Variants in NEK11 observed in about 807,000 individuals in gnomAD.
The protein encoded by NEK11 is serine/threonine-protein kinase Nek11.
NEK11 carries 72 observed loss-of-function variants against 80.7 expected under a neutral mutation model. The ratio of observed to expected loss-of-function variants is 0.89; its 90% confidence interval spans 0.74 to 1.08. The LOEUF (loss-of-function observed/expected upper bound fraction) is 1.08. Ranked by LOEUF, NEK11 falls within the 50% of genes least tolerant of loss-of-function variation. The probability of loss-of-function intolerance (pLI) is 0.00; values close to 1 mark genes in which losing one functional copy is unlikely to be tolerated. For synonymous variants in NEK11, 251 were observed against 260.7 expected, an observed-to-expected ratio of 0.96 and a Z score of 0.36; for missense variants, 764 against 763.6, an observed-to-expected ratio of 1.00 and a Z score of -0.01.
At chr3:131,054,220 A>G (rs758474187) in intron 3 of NEK11, among the ~76,000 whole-genome samples, 4 of 152,176 alleles carry the variant, frequency 2.6e-5, no homozygotes, top group Non-Finnish European at 5.9e-5. Context: ...GTGTGGTCCC[A>G]GCTACTCTGG....
At chr3:131,234,406 A>G (rs1334357968) in intron 15 of NEK11, among the ~76,000 whole-genome samples, 1 of 152,228 alleles carries the variant, frequency 6.6e-6, no homozygotes, top group Non-Finnish European at 1.5e-5. Flanking sequence ...AATCGACCTT[A>G]GAGGTCATCA....
intron 3 of NEK11, among the ~76,000 whole-genome samples, chr3:131,043,173 G>C (rs548088923): frequency 8.5e-5 from 13 of 152,278 alleles, no homozygotes; most frequent in African/African-American, 3.1e-4. Flanking sequence ...AGCGCAAAAA[G>C]GCTGAAAATT....
intron 14 of NEK11, among the ~76,000 whole-genome samples, chr3:131,208,999 A>T (rs369078196): frequency 6.6e-6 from 1 of 152,144 alleles, no homozygotes; most frequent in South Asian, 2.1e-4. Context: ...TTCCAACACT[A>T]TGTTGAATAG....
Position 131,228,533 on chromosome 3 carries a change from C to G in NEK11, c.1405C>G (p.Pro469Ala). 1 of 1,603,280 alleles carries G rather than the reference C, an allele frequency of 6.2e-7. No individual in the cohort carries two copies. The highest frequency in any genetic ancestry group is 8.5e-7 in the Non-Finnish European group (1 of 1,174,608). ...CTGTTTGTTCATTATTTCAGAGATC[C>G]CAGAAGACCCACTTGTGGCTGAAGA... Reference protein sequence around the residue: ...ATSDLGYHEIPEDPLVAEEYY... With the variant: ...ATSDLGYHEIAEDPLVAEEYY... The change falls in exon 15 of 18, where the codon CCA becomes GCA. Residue 469 changes from proline (P) to alanine (A), a missense_variant. Coordinates refer to ENST00000383366, the MANE Select transcript of NEK11 (RefSeq NM_024800.5).
intron 14 of NEK11, among the ~76,000 whole-genome samples, chr3:131,174,090 A>G (rs1196609300): frequency 6.6e-6 from 1 of 152,204 alleles, no homozygotes. Flanking sequence ...ATAAACTTAG[A>G]ACTATGAAAA....
intron 17 of NEK11, among the ~76,000 whole-genome samples, chr3:131,288,823 C>T (rs1448481094): frequency 6.6e-6 from 1 of 152,146 alleles, no homozygotes; most frequent in Non-Finnish European, 1.5e-5. Flanking sequence ...TTCCTCTACC[C>T]TGATTTCAAC....
Position 131,273,590 on chromosome 3 carries a change from C to T in NEK11, c.1718+16C>T, listed in dbSNP as rs1200407586. 3 of 1,588,616 alleles carry T rather than the reference C, an allele frequency of 1.9e-6. No homozygotes were observed. Among genetic ancestry groups the T allele is most frequent in the Admixed American group, 1.7e-5 (1 of 59,910 alleles). On this transcript the variant is annotated intron_variant, in intron 17 of 17. Transcript: ENST00000383366. ...GCATGAGGGAGTAAGTAGCATGTTGCCTGCCCCCTAGGAAGGTGCAGTGTT... is the reference window on the plus strand; with the variant it reads ...GCATGAGGGAGTAAGTAGCATGTTGTCTGCCCCCTAGGAAGGTGCAGTGTT...
chr3:131,198,341 G>C (rs1488636090), intron 14 of NEK11, among the ~76,000 whole-genome samples: 1 of 152,174 alleles, frequency 6.6e-6, no homozygotes, highest in Admixed American at 6.5e-5. Context: ...GCAATTACTT[G>C]TTGACAGTTA....
intron 17 of NEK11, among the ~76,000 whole-genome samples, chr3:131,289,356 A>G (rs1174771624): frequency 6.6e-6 from 1 of 152,188 alleles, no homozygotes; most frequent in Non-Finnish European, 1.5e-5. Context: ...AAATATTCAG[A>G]GGTAATGGGA....
chr3:131,331,634 G>A (rs919538585), intron 17 of NEK11, among the ~76,000 whole-genome samples: 2 of 152,232 alleles, frequency 1.3e-5, no homozygotes, highest in South Asian at 2.1e-4. Context: ...AGCGCACCGT[G>A]CGTGAGCCGA....
chr3:131,205,906 T>A (rs2094429538), intron 14 of NEK11, among the ~76,000 whole-genome samples: 1 of 152,208 alleles, frequency 6.6e-6, no homozygotes, highest in East Asian at 1.9e-4. Flanking sequence ...TCTTATCAGT[T>A]TTTCCTGAAT....
chr3:131,060,506 G>C (rs962943313), intron 3 of NEK11, among the ~76,000 whole-genome samples: 3 of 152,138 alleles, frequency 2.0e-5, no homozygotes, highest in South Asian at 2.1e-4. Flanking sequence ...ACTTTCCCAA[G>C]TTTTCCTGAT....
At chr3:131,037,053 A>G (rs2065756064) in intron 3 of NEK11, among the ~76,000 whole-genome samples, 1 of 152,182 alleles carries the variant, frequency 6.6e-6, no homozygotes, top group African/African-American at 2.4e-5. Context: ...TTGGATATCT[A>G]GATTCTAGTG....
chr3:131,188,916 G>T (rs2093692167), intron 14 of NEK11, among the ~76,000 whole-genome samples: 1 of 152,134 alleles, frequency 6.6e-6, no homozygotes, highest in Non-Finnish European at 1.5e-5. Flanking sequence ...AAAGATCTTT[G>T]CAGATAAAAT....
chr3:131,113,596 C>T (rs970236101), intron 5 of NEK11, among the ~76,000 whole-genome samples: 4 of 152,018 alleles, frequency 2.6e-5, no homozygotes, highest in Non-Finnish European at 5.9e-5. Flanking sequence ...TTCCTGCATT[C>T]TTTCCTGAAT....
chr3:131,108,311 A>G (rs1490037498), intron 4 of NEK11, among the ~76,000 whole-genome samples: 2 of 152,128 alleles, frequency 1.3e-5, no homozygotes, highest in East Asian at 3.9e-4. Flanking sequence ...CTTCCTTTGC[A>G]TCTTAACAAC....
chr3:131,085,022 C>G (rs1026201522), intron 4 of NEK11, among the ~76,000 whole-genome samples: 1 of 152,216 alleles, frequency 6.6e-6, no homozygotes, highest in African/African-American at 2.4e-5. Flanking sequence ...AGGCCCAGAG[C>G]TGAGAACAAG....
intron 5 of NEK11, among the ~76,000 whole-genome samples, chr3:131,120,012 C>T (rs1196549791): frequency 1.3e-5 from 2 of 152,182 alleles, no homozygotes; most frequent in African/African-American, 4.8e-5. Context: ...TGAATTTGAT[C>T]CTGTCATTAT....
intron 4 of NEK11, among the ~76,000 whole-genome samples, chr3:131,103,024 G>T (rs1248760365): frequency 6.6e-6 from 1 of 151,966 alleles, no homozygotes; most frequent in South Asian, 2.1e-4. Flanking sequence ...AGCTCAATTT[G>T]GTTCTTTTTT....
Sources: allele counts gnomAD v4.1 joint callset (sites outside exome capture counted in the v4.1 genomes callset), GRCh38; gene constraint gnomAD v4.1.1; transcripts MANE v1.5; gene names NCBI Gene and HGNC (gene_info 2026-07-23, HGNC 2026-07-21).